The following TMC2 variants were observed in gnomAD, a reference collection of about 807,000 sequenced individuals.
The protein encoded by TMC2 is transmembrane channel-like protein 2.
TMC2 carries 102 observed loss-of-function variants against 105.9 expected under a neutral mutation model. The observed-to-expected ratio is 0.96, with a 90% confidence interval of 0.82 to 1.14. The LOEUF (loss-of-function observed/expected upper bound fraction) is 1.14, where lower values mean the gene tolerates loss of function less well. Ranked by LOEUF, TMC2 falls within the 50% of genes most tolerant of loss-of-function variation. TMC2 has a pLI of 0.00. For missense variants in TMC2, 1,093 were observed against 1,134.3 expected (o/e 0.96, Z 0.52); for synonymous variants, 402 against 422.8 (o/e 0.95, Z 0.60).
At chr20:2,554,285 AACAC>A (rs2085973682) in intron 2 of TMC2, among the ~76,000 whole-genome samples, 3 of 152,146 alleles carry the variant, frequency 2.0e-5, no homozygotes, top group Non-Finnish European at 4.4e-5. Flanking sequence ...GCAACGGAGC[AACAC>A]CCTGTCTCAA....
chr20:2,627,416 A>G (rs1344960181), intron 17 of TMC2, among the ~76,000 whole-genome samples: 3 of 152,182 alleles, frequency 2.0e-5, no homozygotes, highest in African/African-American at 7.2e-5. Flanking sequence ...TTTGAGGGCA[A>G]TTTGTACACA....
chr20:2,642,355 A>G lies in TMC2; in HGVS notation c.*1004A>G, dbSNP rs2086695204. Among the ~76,000 whole-genome samples, 1 of 152,178 alleles carries G rather than the reference A, an allele frequency of 6.6e-6. No individual in the cohort carries two copies. The highest frequency in any genetic ancestry group is 2.4e-5 in the African/African-American group (1 of 41,444). On this transcript the variant is annotated 3_prime_UTR_variant, in exon 20 of 20. Coordinates refer to ENST00000358864, the MANE Select transcript of TMC2 (RefSeq NM_080751.3). Reference sequence around the variant, plus strand: ...GGGAAGCTTACACCATGGAGCACAAAACAGGGAGTGAAAACAGTGAATCAC... The same window carrying G: ...GGGAAGCTTACACCATGGAGCACAAGACAGGGAGTGAAAACAGTGAATCAC...
rs570627161 is a variant in TMC2 at position 2,614,348 on chromosome 20, G to A, written c.1872+1026G>A. ...AGGCCAGGTATGGTGGCTCACACCT[G>A]TAATCCTAGCACTTTGGGAGGCCAA... is the stretch of plus-strand genomic sequence containing the variant. On this transcript the variant is annotated intron_variant, in intron 14 of 19. Coordinates refer to ENST00000358864, the MANE Select transcript of TMC2 (RefSeq NM_080751.3). 1.5e-4 allele frequency among the ~76,000 whole-genome samples: 23 copies of A among 152,292 alleles called. 1 individual carries two copies. In the South Asian group the frequency reaches 1.9e-3, roughly 12 times the overall value.
intron 11 of TMC2, among the ~76,000 whole-genome samples, chr20:2,608,527 C>T (rs964996249): frequency 6.6e-6 from 1 of 151,908 alleles, no homozygotes. Context: ...GAGGTTTTGC[C>T]ATGTTGGCCA....
At chr20:2,630,848 AGTGT>A (rs1443112027) in intron 17 of TMC2, among the ~76,000 whole-genome samples, 1 of 152,164 alleles carries the variant, frequency 6.6e-6, no homozygotes, top group East Asian at 1.9e-4. Context: ...AATAAAATAT[AGTGT>A]GCTTCTTTGG....
chr20:2,597,840 C>A (rs747582962), intron 10 of TMC2, among the ~76,000 whole-genome samples: 1 of 152,080 alleles, frequency 6.6e-6, no homozygotes, highest in Non-Finnish European at 1.5e-5. Flanking sequence ...ATGCTGAGAC[C>A]TGGTGCTGCC....
chr20:2,550,678 T>A (rs189192474), intron 2 of TMC2, among the ~76,000 whole-genome samples: 1 of 152,276 alleles, frequency 6.6e-6, no homozygotes, highest in East Asian at 1.9e-4. Flanking sequence ...CACTGATCAT[T>A]TTTTCCGCTG....
intron 4 of TMC2, among the ~76,000 whole-genome samples, chr20:2,570,879 A>G (rs1323059511): frequency 6.6e-6 from 1 of 152,112 alleles, no homozygotes; most frequent in Non-Finnish European, 1.5e-5. Flanking sequence ...CAATAAAATC[A>G]ACAAAAAACA....
chr20:2,552,354 G>T (rs1030666286), intron 2 of TMC2, among the ~76,000 whole-genome samples: 2 of 152,144 alleles, frequency 1.3e-5, no homozygotes, highest in Non-Finnish European at 2.9e-5. Flanking sequence ...TATAGACAAA[G>T]CTGGGAAGAA....
chr20:2,562,824 T>C (rs2086036528), intron 4 of TMC2, among the ~76,000 whole-genome samples: 1 of 151,928 alleles, frequency 6.6e-6, no homozygotes, highest in African/African-American at 2.4e-5. Context: ...CGGGCACCTG[T>C]AGTCCCAGTT....
chr20:2,626,775 GT>G, intron 17 of TMC2, among the ~76,000 whole-genome samples: 1 of 152,324 alleles, frequency 6.6e-6, no homozygotes, highest in Middle Eastern at 3.4e-3. Context: ...AGCCTACAGT[GT>G]TTACCAATTC....
intron 10 of TMC2, among the ~76,000 whole-genome samples, chr20:2,600,589 G>A (rs2086342989): frequency 6.6e-6 from 1 of 152,160 alleles, no homozygotes. Context: ...TTGGGACGCT[G>A]AGGCGGGCAG....
chr20:2,540,737 A>G (rs1336770618), intron 2 of TMC2, among the ~76,000 whole-genome samples: 1 of 152,120 alleles, frequency 6.6e-6, no homozygotes, highest in East Asian at 1.9e-4. Context: ...CCTTTAAAAT[A>G]AGTGAAGCAA....
rs2086273939 is a variant in TMC2 at position 2,592,239 on chromosome 20, C to A, written c.835-71C>A. 1 of 923,200 alleles carries A rather than the reference C, an allele frequency of 1.1e-6. No individual in the cohort carries two copies. The highest frequency in any genetic ancestry group is 1.8e-6 in the Non-Finnish European group (1 of 565,204). The allele number at this position is 923,200 out of a possible 1,614,324, so 57.2% of individuals were successfully genotyped here. On this transcript the variant is annotated intron_variant, in intron 7 of 19. Coordinates refer to ENST00000358864, the MANE Select transcript of TMC2 (RefSeq NM_080751.3). This position sits in a 1 kb window ranked among gnomAD's most constrained non-coding sequence, Gnocchi z 4.9. ...CGCTCTGAGAAGGAAAGCATTTACC[C>A]CAGTATATGAATGTCTCTGTGTGTT...
At chr20:2,600,242 T>C (rs1445622981) in intron 10 of TMC2, among the ~76,000 whole-genome samples, 3 of 152,218 alleles carry the variant, frequency 2.0e-5, no homozygotes, top group Non-Finnish European at 4.4e-5. Flanking sequence ...TATAACAGAA[T>C]AGATGTGAAA....
intron 7 of TMC2, among the ~76,000 whole-genome samples, chr20:2,587,569 T>C (rs953193393): frequency 1.3e-4 from 20 of 152,142 alleles, no homozygotes; most frequent in African/African-American, 4.8e-4. Flanking sequence ...TGTGTAAATT[T>C]TCCTGTGGTA....
In TMC2 at chr20:2,572,261, A is replaced by G; in HGVS notation, c.637A>G (p.Met213Val). Residue 213 changes from methionine to valine, a missense_variant, in exon 5 of 20, where the codon ATG becomes GTG. Coordinates refer to ENST00000358864, the MANE Select transcript of TMC2 (RefSeq NM_080751.3). The part of the protein sequence containing the change: ...GKQLYAYKML[M>V]AKKWVKFKRD... ...GCAACTATATGCCTACAAGATGCTG[A>G]TGGCCAAGGTGTGTGGGGTGGGGGC... The G allele has an allele frequency of 1.2e-6, 2 of 1,611,962 alleles. No individual in the cohort carries two copies. The highest frequency in any genetic ancestry group is 2.2e-5 in the South Asian group (2 of 91,028).
At chr20:2,612,464 A>AT (rs978717227) in intron 13 of TMC2, 124 bp downstream of exon 13, 2 of 952,776 alleles carry the variant, frequency 2.1e-6, no homozygotes, top group African/African-American at 3.3e-5. Context: ...CAAACATTTC[A>AT]TAATCATCTA....
chr20:2,615,141 G>A (rs2086470414), intron 14 of TMC2, among the ~76,000 whole-genome samples: 1 of 152,112 alleles, frequency 6.6e-6, no homozygotes, highest in South Asian at 2.1e-4. Context: ...GGCCAGCATG[G>A]TGAAACTCCA....
Sources: gnomAD v4.1 joint callset for allele counts (sites outside exome capture counted in the v4.1 genomes callset) on GRCh38, gnomAD v4.1.1 for gene constraint, Gnocchi (gnomAD v3.1) non-coding constraint, MANE v1.5 for transcripts, NCBI Gene and HGNC (gene_info 2026-07-23, HGNC 2026-07-21) for gene names.